The following DENND5A variants were observed in gnomAD, a reference collection of about 807,000 sequenced individuals.
DENND5A encodes DENN domain containing 5A, also known as DENN domain-containing protein 5A.
A neutral mutation model predicts 140.3 loss-of-function variants in DENND5A; 64 were observed. That is an observed-to-expected ratio of 0.46 (90% CI 0.37 to 0.56). The LOEUF (loss-of-function observed/expected upper bound fraction) is 0.56, where lower values mean the gene tolerates loss of function less well. Among genes scored for constraint, DENND5A ranks in the 20% least tolerant of loss-of-function variants. DENND5A has a pLI of 0.00. For missense variants in DENND5A, 1,292 were observed against 1,593.8 expected, an observed-to-expected ratio of 0.81 and a Z score of 3.22; for synonymous variants, 605 against 607.7, an observed-to-expected ratio of 1.00 and a Z score of 0.07.
At chr11:9,234,178 CAA>C (rs11295091) in intron 1 of DENND5A, among the ~76,000 whole-genome samples, 62 of 126,062 alleles carry the variant, frequency 4.9e-4, no homozygotes, top group African/African-American at 5.9e-4. Flanking sequence ...AACTCCGTCT[CAA>C]AAAAAAAAAA....
chr11:9,218,507 C>G (rs1304292196), intron 1 of DENND5A, among the ~76,000 whole-genome samples: 1 of 152,106 alleles, frequency 6.6e-6, no homozygotes, highest in African/African-American at 2.4e-5. Flanking sequence ...GAGTGGATCA[C>G]TTAAGCCCAG....
chr11:9,263,650 G>A (rs1820925472), intron 1 of DENND5A, among the ~76,000 whole-genome samples: 1 of 145,974 alleles, frequency 6.9e-6, no homozygotes, highest in African/African-American at 2.5e-5. Context: ...AGACCATCCT[G>A]GCTAACAAGG....
intron 4 of DENND5A, among the ~76,000 whole-genome samples, chr11:9,198,769 G>A (rs1239926056): frequency 6.6e-6 from 1 of 151,674 alleles, no homozygotes; most frequent in Non-Finnish European, 1.5e-5. Flanking sequence ...ACAGTTATAT[G>A]TTTTAAGTTA....
intron 5 of DENND5A, among the ~76,000 whole-genome samples, chr11:9,182,728 G>C (rs1294610747): frequency 1.3e-5 from 2 of 152,156 alleles, no homozygotes; most frequent in Non-Finnish European, 2.9e-5. Flanking sequence ...CTGAAGTAGA[G>C]AATAGAAGAG....
At chr11:9,221,489 G>T (rs1850309956) in intron 1 of DENND5A, among the ~76,000 whole-genome samples, 1 of 152,014 alleles carries the variant, frequency 6.6e-6, no homozygotes, top group Non-Finnish European at 1.5e-5. Flanking sequence ...AACCCATTCA[G>T]TGCTGGCATT....
chr11:9,237,007 T>A (rs1301036361), intron 1 of DENND5A, among the ~76,000 whole-genome samples: 1 of 152,014 alleles, frequency 6.6e-6, no homozygotes, highest in Non-Finnish European at 1.5e-5. Flanking sequence ...GAAAAAAAGA[T>A]AAACACCACA....
chr11:9,234,340 G>C (rs1195704142), intron 1 of DENND5A, among the ~76,000 whole-genome samples: 1 of 151,486 alleles, frequency 6.6e-6, no homozygotes, highest in Non-Finnish European at 1.5e-5. Context: ...TGAGCAAAAA[G>C]AGAAATTATA....
At chr11:9,190,850 C>A (rs917538246) in intron 5 of DENND5A, among the ~76,000 whole-genome samples, 5 of 152,072 alleles carry the variant, frequency 3.3e-5, no homozygotes, top group Non-Finnish European at 7.3e-5. Context: ...TTCTGAGACA[C>A]CCCAAAGTCG....
chr11:9,222,906 A>G (rs1850370871), intron 1 of DENND5A, among the ~76,000 whole-genome samples: 1 of 152,238 alleles, frequency 6.6e-6, no homozygotes, highest in Admixed American at 6.5e-5. Context: ...AGCTCTTGCT[A>G]TAGCCTACCT....
intron 8 of DENND5A, chr11:9,171,148 T>C (rs1291657883): frequency 9.4e-6 from 2 of 211,824 alleles, no homozygotes; most frequent in Non-Finnish European, 1.9e-5. Flanking sequence ...CTAGAGTTCA[T>C]ATGAACAGTA....
chr11:9,163,766 T>A (rs577445082), intron 11 of DENND5A, among the ~76,000 whole-genome samples: 33 of 147,274 alleles, frequency 2.2e-4, no homozygotes, highest in African/African-American at 6.8e-4. Flanking sequence ...ATTGTGTCAC[T>A]GTACTCCAGC....
intron 1 of DENND5A, among the ~76,000 whole-genome samples, chr11:9,220,612 C>T (rs1018547679): frequency 2.0e-5 from 3 of 151,114 alleles, no homozygotes; most frequent in African/African-American, 7.3e-5. Context: ...AAAATACCGG[C>T]CGGGCACAGG....
rs1309978810 is a variant in DENND5A, at chr11:9,139,157, C to G, written c.*514G>C. 1.3e-5 allele frequency: 2 copies of G among 153,142 alleles called. No individual in the cohort carries two copies. Among genetic ancestry groups the G allele is most frequent in the African/African-American group, 4.8e-5 (2 of 41,478 alleles). 9.5% of individuals were successfully genotyped at this position (153,142 alleles called of 1,614,324 possible). On this transcript the variant is annotated 3_prime_UTR_variant, in exon 23 of 23. Coordinates refer to ENST00000328194, the MANE Select transcript of DENND5A (RefSeq NM_015213.4). ...AAAAAGAAAATACGTGGGACTGACT[C>G]ATCGGTGCTTGCTTAGAGGCACTAC...
chr11:9,145,616 G>T, intron 17 of DENND5A, 54 bp downstream of exon 17: 2 of 1,602,336 alleles, frequency 1.2e-6, no homozygotes, highest in Non-Finnish European at 1.7e-6. Flanking sequence ...ACTCCCCAAA[G>T]CGGCTGTTGC....
intron 11 of DENND5A, among the ~76,000 whole-genome samples, chr11:9,161,748 A>C (rs1847990972): frequency 6.6e-6 from 1 of 152,130 alleles, no homozygotes; most frequent in Non-Finnish European, 1.5e-5. Flanking sequence ...GCCTCCTAAC[A>C]ATCTGAGGTA....
intron 1 of DENND5A, among the ~76,000 whole-genome samples, chr11:9,236,222 C>CAA (rs140163795): frequency 5.7e-5 from 5 of 88,056 alleles, no homozygotes; most frequent in African/African-American, 1.1e-4. Flanking sequence ...GACCCTGTCT[C>CAA]AAAAAAAAAA....
In DENND5A at chr11:9,191,261, G is replaced by A. The variant is rs1209617511; in HGVS notation, c.1137+2233C>T. Reference sequence around the variant, plus strand: ...GTCTCACACTGTCACCCAGGCTGGAGTGCAGTGGCGCGATCCACCCAGGTT... The same window carrying A: ...GTCTCACACTGTCACCCAGGCTGGAATGCAGTGGCGCGATCCACCCAGGTT... On this transcript the variant is annotated intron_variant, in intron 5 of 22. Coordinates refer to ENST00000328194, the MANE Select transcript of DENND5A (RefSeq NM_015213.4). Among the ~76,000 whole-genome samples the A allele has an allele frequency of 2.6e-5, 4 of 151,900 alleles. No individual in the cohort carries two copies. In the East Asian group the frequency reaches 7.7e-4, roughly 29 times the overall value.
chr11:9,220,159 C>G (rs780459824), intron 1 of DENND5A, among the ~76,000 whole-genome samples: 16 of 152,120 alleles, frequency 1.1e-4, no homozygotes, highest in Non-Finnish European at 2.2e-4. Context: ...ACAAAGAACA[C>G]TAAAAGCAAA....
At chr11:9,151,433 C>T (rs1485733763) in intron 13 of DENND5A, among the ~76,000 whole-genome samples, 3 of 152,072 alleles carry the variant, frequency 2.0e-5, no homozygotes, top group Non-Finnish European at 2.9e-5. Context: ...ATCCAGAAAG[C>T]GGGCCAAAAA....
Sources: gnomAD v4.1 joint callset for allele counts (sites outside exome capture counted in the v4.1 genomes callset) on GRCh38, gnomAD v4.1.1 for gene constraint, MANE v1.5 for transcripts, NCBI Gene and HGNC (gene_info 2026-07-23, HGNC 2026-07-21) for gene names.